Variants in MORC4 observed in about 807,000 individuals in gnomAD.
The protein encoded by MORC4 is MORC family CW-type zinc finger 4.
Under a neutral mutation model 65.5 loss-of-function variants are expected in MORC4, and 22 were observed. That is an observed-to-expected ratio of 0.34 (90% CI 0.24 to 0.48). The LOEUF (loss-of-function observed/expected upper bound fraction) is 0.48. MORC4 is among the 20% of genes least tolerant of loss of function. The probability of loss-of-function intolerance (pLI) is 0.99; values close to 1 mark genes in which losing one functional copy is unlikely to be tolerated. For synonymous variants in MORC4, 267 were observed against 255.8 expected, an observed-to-expected ratio of 1.04 and a Z score of -0.42; for missense variants, 624 against 703.0, an observed-to-expected ratio of 0.89 and a Z score of 1.27.
At position 106,999,907 on chromosome X, in the gene MORC4, G is replaced by A; in HGVS notation, c.63C>T (p.Pro21=). ...PGAPGCGLAR[P]GGGPQAFGIR... ...TCCCGAAGGCCTGCGGGCCGCCGCCGGGCCGGGCCAGCCCGCAGCCCGGCG... is the reference window on the plus strand; with the variant it reads ...TCCCGAAGGCCTGCGGGCCGCCGCCAGGCCGGGCCAGCCCGCAGCCCGGCG... Residue 21 remains proline, a synonymous_variant, in exon 1 of 17, where the codon CCC becomes CCT. Coordinates refer to ENST00000355610, the MANE Select transcript of MORC4 (RefSeq NM_024657.5). The A allele has an allele frequency of 3.6e-6, 3 of 828,554 alleles. No homozygotes were observed. The highest frequency in any genetic ancestry group is 4.4e-6 in the Non-Finnish European group (3 of 688,172). The allele number at this position is 828,554 out of a possible 1,213,427, so 68.3% of individuals were successfully genotyped here.
In MORC4 at chrX:106,999,543, C is replaced by T. The variant is rs1935139784; in HGVS notation, c.175+134G>A. The T allele has an allele frequency of 1.3e-5, 6 of 478,537 alleles. No homozygotes were observed. In the East Asian group the frequency reaches 3.0e-4, roughly 24 times the overall value. The allele number at this position is 478,537 out of a possible 1,213,427, so 39.4% of individuals were successfully genotyped here. A position where few individuals can be genotyped will look rare whatever the true frequency, so the allele number is the denominator to read the frequency against. On this transcript the variant is annotated intron_variant, in intron 2 of 16. Transcript: ENST00000355610. Reference sequence around the variant, plus strand: ...CATCCCCCTCCTCCGCCTGCGGAGCCGGGGCCGGTTCCGAGGCCCCCACCC... The same window carrying T: ...CATCCCCCTCCTCCGCCTGCGGAGCTGGGGCCGGTTCCGAGGCCCCCACCC...
At chrX:106,988,940 C>A (rs1472914903) in intron 3 of MORC4, among the ~76,000 whole-genome samples, 2 of 111,741 alleles carry the variant, frequency 1.8e-5, no homozygotes, top group Admixed American at 9.5e-5. Context: ...CAAACCTTCA[C>A]GTGTACCTCC....
rs1225323672 is a variant in MORC4 at position 106,943,098 on chromosome X, C to A, written c.1793G>T (p.Arg598Met). The change falls in exon 15 of 17, where the codon AGG (arginine) becomes ATG (methionine). Residue 598 changes from arginine (R) to methionine (M), a missense_variant. Arg to Met is a moderately conservative substitution (Grantham distance 91). Transcript: ENST00000355610. ...TGGGTAGGCAACAGGTGCTTCTACC[C>A]TCCTGTAAGGAGCAGGCATGGAATA... is the stretch of plus-strand genomic sequence containing the variant. ...LDYSMPAPYR[R>M]VEAPVAYPEG... 1 of 1,210,987 alleles carries A rather than the reference C, an allele frequency of 8.3e-7. No individual in the cohort carries two copies.
At chrX:106,972,597 C>T (rs1934544936) in intron 9 of MORC4, among the ~76,000 whole-genome samples, 1 of 111,578 alleles carries the variant, frequency 9.0e-6, no homozygotes, top group Non-Finnish European at 1.9e-5. Context: ...ATATACATGA[C>T]ACGCATGGGA....
intron 3 of MORC4, among the ~76,000 whole-genome samples, chrX:106,989,597 G>A (rs888944302): frequency 9.8e-5 from 11 of 111,808 alleles, no homozygotes; most frequent in African/African-American, 3.6e-4. Flanking sequence ...CACCAGGCAC[G>A]GTGGCTCATG....
chrX:106,976,494 C>T, intron 9 of MORC4, 90 bp downstream of exon 9: 1 of 504,479 alleles, frequency 2.0e-6, no homozygotes, highest in Non-Finnish European at 3.3e-6. Context: ...ACTTATTTAG[C>T]TGCTTTTTAG....
chrX:106,997,071 A>T (rs1398915868), intron 2 of MORC4, among the ~76,000 whole-genome samples: 1 of 112,103 alleles, frequency 8.9e-6, no homozygotes, highest in Non-Finnish European at 1.9e-5. Context: ...CATAAATCCT[A>T]GAGGTATCTA....
intron 9 of MORC4, among the ~76,000 whole-genome samples, chrX:106,971,928 G>A (rs1023035611): frequency 1.8e-5 from 2 of 111,836 alleles, no homozygotes; most frequent in African/African-American, 6.5e-5. Context: ...CAAGAATCTA[G>A]AACTAGAAAT....
intron 11 of MORC4, 76 bp downstream of exon 11, chrX:106,958,260 G>T: frequency 1.0e-6 from 1 of 1,000,178 alleles, no homozygotes; most frequent in Non-Finnish European, 1.4e-6. Context: ...GTGTGAACCT[G>T]AGATGAAAAA....
intron 9 of MORC4, among the ~76,000 whole-genome samples, chrX:106,967,394 C>A (rs766674888): frequency 1.8e-5 from 2 of 111,764 alleles, no homozygotes; most frequent in African/African-American, 3.3e-5. Flanking sequence ...TTCCAAAAAC[C>A]AGAACACCTC....
At chrX:106,958,281 T>C in intron 11 of MORC4, 55 bp downstream of exon 11, 2 of 1,109,840 alleles carry the variant, frequency 1.8e-6, no homozygotes, top group Non-Finnish European at 2.4e-6. Context: ...TGTTTTAGAC[T>C]ATAGAGATAA....
chrX:106,996,182 CTT>C (rs565884580), intron 2 of MORC4, among the ~76,000 whole-genome samples: 30 of 85,217 alleles, frequency 3.5e-4, no homozygotes, highest in African/African-American at 4.3e-4. Context: ...TTACTAGGTA[CTT>C]TTTTTTTTTT....
chrX:106,978,897 T>C (rs886950929), intron 7 of MORC4, among the ~76,000 whole-genome samples: 2 of 111,508 alleles, frequency 1.8e-5, no homozygotes, highest in Non-Finnish European at 3.8e-5. Flanking sequence ...TGTAGTGATA[T>C]ATTTCATGGG....
rs773903776 is a variant in MORC4 at position 106,963,346 on chromosome X, G to A, written c.1158-1236C>T. Among the ~76,000 whole-genome samples the A allele has an allele frequency of 9.7e-4, 109 of 111,823 alleles. 1 individual carries two copies. Among genetic ancestry groups the A allele is most frequent in the African/African-American group, 2.8e-3 (86 of 30,784 alleles). ...TCTATTGGAAAGTTTGCAACTTCCA[G>A]GAGAAGGCTTGGATGGTAAATTGTG... On this transcript the variant is annotated intron_variant, in intron 9 of 16. Coordinates refer to ENST00000355610, the MANE Select transcript of MORC4 (RefSeq NM_024657.5).
chrX:106,942,329 G>A, intron 15 of MORC4, 108 bp from the exon 16 acceptor site: 2 of 990,123 alleles, frequency 2.0e-6, no homozygotes, highest in Non-Finnish European at 2.7e-6. Flanking sequence ...TCTACTTATG[G>A]GCCTTTTCAA....
At chrX:106,981,207 T>C in intron 6 of MORC4, 138 bp downstream of exon 6, 1 of 843,679 alleles carries the variant, frequency 1.2e-6, no homozygotes, top group Non-Finnish European at 1.7e-6. Context: ...ACGGTCTCAA[T>C]GGAGACAATA....
At chrX:106,990,167 G>A (rs764614802) in intron 3 of MORC4, among the ~76,000 whole-genome samples, 427 of 108,228 alleles carry the variant, frequency 3.9e-3, no homozygotes, top group Non-Finnish European at 6.6e-3. Context: ...CCAGCCTGGC[G>A]ACAGAGCAAA....
At chrX:106,966,392 C>A (rs962833034) in intron 9 of MORC4, among the ~76,000 whole-genome samples, 12 of 112,568 alleles carry the variant, frequency 1.1e-4, no homozygotes, top group African/African-American at 3.9e-4. Flanking sequence ...GTAATTTCTG[C>A]ATTTCCAACT....
At chrX:106,942,313 T>TAAGTAGAGTG in intron 15 of MORC4, 92 bp from the exon 16 acceptor site, 1 of 1,048,334 alleles carries the variant, frequency 9.5e-7, no homozygotes, top group African/African-American at 1.9e-5. Flanking sequence ...CCACTATACA[T>TAAGTAGAGTG]ATTCCTCTAC....
Sources: allele counts gnomAD v4.1 joint callset (sites outside exome capture counted in the v4.1 genomes callset), GRCh38; gene constraint gnomAD v4.1.1; transcripts MANE v1.5; gene names NCBI Gene and HGNC (gene_info 2026-07-23, HGNC 2026-07-21).